Variants in SWAP70 observed in about 807,000 individuals in gnomAD.
SWAP70 encodes switching B cell complex subunit SWAP70, also known as switch-associated protein 70.
A neutral mutation model predicts 80.2 loss-of-function variants in SWAP70; 34 were observed. The observed-to-expected ratio is 0.42, with a 90% CI of 0.32 to 0.56. The LOEUF (loss-of-function observed/expected upper bound fraction) is 0.56, where lower values mean the gene tolerates loss of function less well. SWAP70 is among the 20% of genes least tolerant of loss of function. SWAP70 has a pLI of 0.09. For synonymous variants in SWAP70, 239 were observed against 238.5 expected (o/e 1.00, Z -0.02); for missense variants, 578 against 690.7 (o/e 0.84, Z 1.83).
At position 9,747,922 on chromosome 11, in the gene SWAP70, G is replaced by A. The variant is rs1169483663; in HGVS notation, c.1420G>A (p.Ala474Thr). 6.2e-7 allele frequency: 1 copy of A among 1,614,050 alleles called. No homozygotes were observed. The highest frequency in any genetic ancestry group is 8.5e-7 in the Non-Finnish European group (1 of 1,180,044). Residue 474 changes from alanine (A) to threonine (T), a missense_variant, in exon 10 of 12, where the codon GCC (alanine) becomes ACC (threonine). Coordinates refer to ENST00000318950, the MANE Select transcript of SWAP70 (RefSeq NM_015055.4). The stretch of plus-strand genomic sequence containing the variant: ...AAAGTGGCACTTGGAGCAGCAGCAG[G>A]CCATTCAGACAACCGAGGCGGAGAA... The part of the protein sequence containing the change: ...LEKWHLEQQQ[A>T]IQTTEAEKQE...
chr11:9,666,756 G>A (rs889557884), intron 1 of SWAP70, among the ~76,000 whole-genome samples: 6 of 140,146 alleles, frequency 4.3e-5, no homozygotes, highest in Admixed American at 1.5e-4. Flanking sequence ...CCGGAGTTGC[G>A]CTCTGTCACC....
At chr11:9,706,820 T>C (rs1850921210) in intron 2 of SWAP70, among the ~76,000 whole-genome samples, 1 of 152,150 alleles carries the variant, frequency 6.6e-6, no homozygotes, top group South Asian at 2.1e-4. Context: ...CATAAAGAAC[T>C]CTTTTTTTTT....
chr11:9,752,374 A>G lies in SWAP70; in HGVS notation c.*2404A>G, dbSNP rs1416403526. 2 of 152,232 alleles carry G rather than the reference A, an allele frequency of 1.3e-5. No individual in the cohort carries two copies. Among genetic ancestry groups the G allele is most frequent in the Admixed American group, 1.3e-4 (2 of 15,288 alleles). 9.4% of individuals were successfully genotyped at this position (152,232 alleles called of 1,614,324 possible). On this transcript the variant is annotated 3_prime_UTR_variant, in exon 12 of 12. Coordinates refer to ENST00000318950, the MANE Select transcript of SWAP70 (RefSeq NM_015055.4). ...CTGCCTGCTTTCTGGTCACATGTGGACCTTGATACGACTAAGCGGTTACAT... is the reference window on the plus strand; with the variant it reads ...CTGCCTGCTTTCTGGTCACATGTGGGCCTTGATACGACTAAGCGGTTACAT...
At chr11:9,720,878 C>T (rs1352884067) in intron 3 of SWAP70, among the ~76,000 whole-genome samples, 4 of 152,158 alleles carry the variant, frequency 2.6e-5, no homozygotes, top group South Asian at 2.1e-4. Context: ...CACAGTGGCG[C>T]GATCTTGGCT....
chr11:9,673,671 G>A (rs907366751), intron 1 of SWAP70, among the ~76,000 whole-genome samples: 11 of 152,282 alleles, frequency 7.2e-5, no homozygotes, highest in Non-Finnish European at 1.5e-4. Flanking sequence ...TCCAGGGTAT[G>A]GGGGAGGACC....
rs1312366292 is a variant in SWAP70, at chr11:9,666,094, T to G, written c.99+1816T>G. 2.0e-5 allele frequency among the ~76,000 whole-genome samples: 3 copies of G among 151,496 alleles called. No homozygotes were observed. In the East Asian group the frequency reaches 5.8e-4, roughly 29 times the overall value. On this transcript the variant is annotated intron_variant, in intron 1 of 11. Transcript: ENST00000318950. Reference sequence around the variant, plus strand: ...TGAATATGCTTTAGTTTTTTGTTTTTTTTTTTTCTGAGACACAGTCTTGCC... The same window carrying G: ...TGAATATGCTTTAGTTTTTTGTTTTGTTTTTTTCTGAGACACAGTCTTGCC...
chr11:9,669,080 A>G (rs1398413298), intron 1 of SWAP70, among the ~76,000 whole-genome samples: 1 of 152,220 alleles, frequency 6.6e-6, no homozygotes, highest in Non-Finnish European at 1.5e-5. Context: ...GGTTAAAGAT[A>G]CTGAGTGTGA....
At position 9,664,082 on chromosome 11, in the gene SWAP70, A is replaced by G; in HGVS notation, c.-98A>G. The G allele has an allele frequency of 8.4e-7, 1 of 1,194,376 alleles. No individual in the cohort carries two copies. The highest frequency in any genetic ancestry group is 1.1e-6 in the Non-Finnish European group (1 of 892,048). The allele number at this position is 1,194,376 out of a possible 1,614,324, so 74.0% of individuals were successfully genotyped here. A position where few individuals can be genotyped will look rare whatever the true frequency, so the allele number is the denominator to read the frequency against. ...GGGGCGGGGCCTGGCGGGTCAGGTG[A>G]CTGCGCGGCGGGCTGTGGCTGCGGA... On this transcript the variant is annotated 5_prime_UTR_variant, in exon 1 of 12. Transcript: ENST00000318950.
chr11:9,667,251 A>T (rs7950348), intron 1 of SWAP70, among the ~76,000 whole-genome samples: 122,083 of 144,602 alleles, frequency 0.84, 52,608 homozygotes, highest in Non-Finnish European at 0.94. Context: ...TGTGTGTGTG[A>T]GAGAGAGAGA....
At chr11:9,729,036 C>T (rs1237514049) in intron 5 of SWAP70, among the ~76,000 whole-genome samples, 1 of 152,164 alleles carries the variant, frequency 6.6e-6, no homozygotes, top group Non-Finnish European at 1.5e-5. Context: ...GTAACATCAT[C>T]ACAGATGTAC....
At chr11:9,715,937 C>G (rs900679902) in intron 3 of SWAP70, among the ~76,000 whole-genome samples, 1 of 152,220 alleles carries the variant, frequency 6.6e-6, no homozygotes, top group South Asian at 2.1e-4. Flanking sequence ...ATCTAATTGG[C>G]ATGGCCTAGG....
chr11:9,748,391 A>G (rs1486749753), intron 10 of SWAP70, among the ~76,000 whole-genome samples: 1 of 152,240 alleles, frequency 6.6e-6, no homozygotes, highest in Non-Finnish European at 1.5e-5. Context: ...GCAGAGCACC[A>G]GGGAGGGAGT....
intron 1 of SWAP70, among the ~76,000 whole-genome samples, chr11:9,674,505 G>A (rs1325917167): frequency 6.6e-6 from 1 of 151,904 alleles, no homozygotes; most frequent in Non-Finnish European, 1.5e-5. Flanking sequence ...TTTGAAAACA[G>A]CCTGGAAAAT....
intron 2 of SWAP70, among the ~76,000 whole-genome samples, chr11:9,709,713 TC>T (rs1247517672): frequency 6.6e-6 from 1 of 152,082 alleles, no homozygotes; most frequent in African/African-American, 2.4e-5. Context: ...GATCTCAAAC[TC>T]CTGAACTCAA....
In SWAP70 at chr11:9,699,058, A is replaced by G. The variant is rs964532167; in HGVS notation, c.240+4772A>G. Among the ~76,000 whole-genome samples the G allele has an allele frequency of 3.3e-5, 5 of 152,330 alleles. No individual in the cohort carries two copies. The East Asian group carries it at 7.7e-4, about 23-fold the overall frequency. The stretch of plus-strand genomic sequence containing the variant: ...ATAATGAAAGGTAAGATTTAATTAA[A>G]TTCTCAAAAGCAACATATGGTATGA... On this transcript the variant is annotated intron_variant, in intron 2 of 11. Coordinates refer to ENST00000318950, the MANE Select transcript of SWAP70 (RefSeq NM_015055.4).
At chr11:9,672,195 C>CCATA (rs1554982642) in intron 1 of SWAP70, among the ~76,000 whole-genome samples, 2 of 78,438 alleles carry the variant, frequency 2.5e-5, no homozygotes, top group African/African-American at 9.8e-5. Context: ...ATGTGTGTGT[C>CCATA]TATATATATA....
At chr11:9,673,104 T>C (rs1265127805) in intron 1 of SWAP70, among the ~76,000 whole-genome samples, 3 of 152,156 alleles carry the variant, frequency 2.0e-5, no homozygotes, top group African/African-American at 7.2e-5. Flanking sequence ...CTGGAGACAG[T>C]GTCAGATCCC....
At chr11:9,700,630 T>C (rs1850819402) in intron 2 of SWAP70, among the ~76,000 whole-genome samples, 1 of 152,220 alleles carries the variant, frequency 6.6e-6, no homozygotes, top group Non-Finnish European at 1.5e-5. Context: ...TAATAAGTGA[T>C]AGGTAGATTT....
At chr11:9,729,118 T>C (rs1851262639) in intron 5 of SWAP70, among the ~76,000 whole-genome samples, 1 of 152,134 alleles carries the variant, frequency 6.6e-6, no homozygotes, top group Admixed American at 6.5e-5. Context: ...ATGCATGGCA[T>C]CCTATCAGGT....
Sources: gnomAD v4.1 joint callset for allele counts (sites outside exome capture counted in the v4.1 genomes callset) on GRCh38, gnomAD v4.1.1 for gene constraint, MANE v1.5 for transcripts, NCBI Gene and HGNC (gene_info 2026-07-23, HGNC 2026-07-21) for gene names.